Variants in PNPLA8 observed in about 807,000 individuals in gnomAD.
PNPLA8 encodes patatin like domain 8, phospholipase A2.
A neutral mutation model predicts 76.9 loss-of-function variants in PNPLA8; 39 were observed. The ratio of observed to expected loss-of-function variants is 0.51; its 90% CI spans 0.39 to 0.66. The LOEUF (loss-of-function observed/expected upper bound fraction) is 0.66. PNPLA8 is among the 30% of genes least tolerant of loss of function. The pLI is 0.00. For missense variants in PNPLA8, 887 were observed against 918.0 expected (o/e 0.97, Z 0.44); for synonymous variants, 301 against 307.9 (o/e 0.98, Z 0.24).
At chr7:108,483,869 A>G (rs1860566474) in intron 9 of PNPLA8, among the ~76,000 whole-genome samples, 1 of 152,212 alleles carries the variant, frequency 6.6e-6, no homozygotes, top group Admixed American at 6.5e-5. Flanking sequence ...TTAACAGATC[A>G]TTAGAATGAT....
chr7:108,525,668 T>C (rs752708579), intron 1 of PNPLA8, among the ~76,000 whole-genome samples: 1 of 151,992 alleles, frequency 6.6e-6, no homozygotes, highest in African/African-American at 2.4e-5. Flanking sequence ...CTCCTGAGAG[T>C]GACCAGTTAA....
At chr7:108,482,877 C>T (rs1167353622) in intron 9 of PNPLA8, among the ~76,000 whole-genome samples, 2 of 152,168 alleles carry the variant, frequency 1.3e-5, no homozygotes, top group East Asian at 3.9e-4. Context: ...AAATCAACTA[C>T]CCCCACCATT....
At chr7:108,514,369 A>T in intron 3 of PNPLA8, 67 bp downstream of exon 3, 1 of 1,537,842 alleles carries the variant, frequency 6.5e-7, no homozygotes, top group Non-Finnish European at 8.8e-7. Flanking sequence ...CTTAGTTCTC[A>T]TTAGGAAATA....
intron 7 of PNPLA8, among the ~76,000 whole-genome samples, chr7:108,495,161 C>A (rs1167982359): frequency 6.6e-6 from 1 of 152,132 alleles, no homozygotes; most frequent in East Asian, 1.9e-4. Flanking sequence ...ATGTATGTAT[C>A]AAGATTCTTA....
Position 108,515,498 on chromosome 7 carries a change from A to G in PNPLA8, c.-7T>C, listed in dbSNP as rs373460780. 3.3e-5 allele frequency: 46 copies of G among 1,393,550 alleles called. No homozygotes were observed. The highest frequency in any genetic ancestry group is 4.0e-5 in the Non-Finnish European group (43 of 1,065,426). The allele number at this position is 1,393,550 out of a possible 1,614,324, so 86.3% of individuals were successfully genotyped here. On this transcript the variant is annotated 5_prime_UTR_variant, in exon 3 of 11. Coordinates refer to ENST00000257694, the MANE Select transcript of PNPLA8 (RefSeq NM_001256007.3). ...CAGTCAGATTAATAGACATAACTTAAAAATCATTTATTTTCTATGACATTC... is the reference window on the plus strand; with the variant it reads ...CAGTCAGATTAATAGACATAACTTAGAAATCATTTATTTTCTATGACATTC...
chr7:108,524,921 T>C (rs1863977433), intron 1 of PNPLA8, among the ~76,000 whole-genome samples: 1 of 152,078 alleles, frequency 6.6e-6, no homozygotes, highest in Non-Finnish European at 1.5e-5. Flanking sequence ...ACAACCCCTC[T>C]AACTGGGGTA....
intron 9 of PNPLA8, among the ~76,000 whole-genome samples, chr7:108,480,065 A>G (rs1441158018): frequency 6.6e-6 from 1 of 152,160 alleles, no homozygotes; most frequent in Non-Finnish European, 1.5e-5. Context: ...ATTATATTGT[A>G]TTTAAAATCT....
rs1458664888 is a variant in PNPLA8, at chr7:108,518,645, T to G, written c.-84+2831A>C. On this transcript the variant is annotated intron_variant, in intron 2 of 10. Transcript: ENST00000257694. ...CTGTACCTTCCTCTCAATTTTCCTG[T>G]GAACCTAAAAACTATTCTTAAAAAA... Among the ~76,000 whole-genome samples, 5 of 151,010 alleles carry G rather than the reference T, an allele frequency of 3.3e-5. No homozygotes were observed. The East Asian group carries it at 5.8e-4, about 18-fold the overall frequency.
intron 4 of PNPLA8, among the ~76,000 whole-genome samples, chr7:108,508,556 C>T (rs1423557316): frequency 6.2e-5 from 3 of 48,154 alleles, no homozygotes; most frequent in African/African-American, 2.6e-4. Context: ...ACATTCCATG[C>T]TCATGGGTAG....
intron 7 of PNPLA8, among the ~76,000 whole-genome samples, chr7:108,494,227 T>C (rs917397976): frequency 1.3e-5 from 2 of 152,136 alleles, no homozygotes; most frequent in Non-Finnish European, 2.9e-5. Context: ...AATTTAAACT[T>C]TTAGTATAAA....
At chr7:108,515,746 A>T (rs1483586694) in intron 2 of PNPLA8, among the ~76,000 whole-genome samples, 172 bp from the exon 3 acceptor site, 1 of 152,232 alleles carries the variant, frequency 6.6e-6, no homozygotes, top group Non-Finnish European at 1.5e-5. Context: ...AAAATAATTC[A>T]CTTTCAGTAT....
intron 4 of PNPLA8, among the ~76,000 whole-genome samples, chr7:108,509,116 T>C (rs1337365808): frequency 9.0e-6 from 1 of 110,804 alleles, no homozygotes; most frequent in South Asian, 2.5e-4. Flanking sequence ...ATAGGCATGG[T>C]CAAGGACTTC....
At chr7:108,499,131 T>G (rs1319744198) in intron 5 of PNPLA8, among the ~76,000 whole-genome samples, 1 of 152,194 alleles carries the variant, frequency 6.6e-6, no homozygotes. Flanking sequence ...TATTTAACAA[T>G]GTGACCTCTA....
chr7:108,476,438 T>TC (rs1165944943), intron 10 of PNPLA8, among the ~76,000 whole-genome samples: 6 of 152,144 alleles, frequency 3.9e-5, no homozygotes, highest in African/African-American at 1.2e-4. Flanking sequence ...CACAATGAGA[T>TC]CCCACCTTAC....
intron 8 of PNPLA8, among the ~76,000 whole-genome samples, chr7:108,491,057 C>A (rs946132998): frequency 2.0e-5 from 3 of 152,132 alleles, no homozygotes; most frequent in African/African-American, 7.2e-5. Flanking sequence ...GTAATCCCAG[C>A]ACTTTGGGAG....
intron 1 of PNPLA8, among the ~76,000 whole-genome samples, chr7:108,525,772 A>G (rs1864032702): frequency 6.6e-6 from 1 of 152,174 alleles, no homozygotes. Flanking sequence ...GCAGGGCGGG[A>G]CCTGCGAAAC....
chr7:108,514,323 A>C (rs754413146), intron 3 of PNPLA8, 30 bp from the exon 4 acceptor site: 1 of 1,578,358 alleles, frequency 6.3e-7, no homozygotes, highest in African/African-American at 1.4e-5. Context: ...AGATATGATT[A>C]GAATACAAAA....
intron 9 of PNPLA8, among the ~76,000 whole-genome samples, chr7:108,486,942 T>C (rs1233368769): frequency 1.3e-5 from 2 of 152,074 alleles, no homozygotes; most frequent in African/African-American, 4.8e-5. Context: ...ATGAGACTAA[T>C]TTTAAATGAG....
intron 4 of PNPLA8, among the ~76,000 whole-genome samples, chr7:108,513,514 TATG>T (rs1302460517): frequency 3.3e-5 from 5 of 152,090 alleles, no homozygotes; most frequent in Admixed American, 1.3e-4. Flanking sequence ...TATCTATCAT[TATG>T]ATATTTTCAA....
Sources: allele counts gnomAD v4.1 joint callset (sites outside exome capture counted in the v4.1 genomes callset), GRCh38; gene constraint gnomAD v4.1.1; transcripts MANE v1.5; gene names NCBI Gene and HGNC (gene_info 2026-07-23, HGNC 2026-07-21).